TMEM108: variants seen among roughly 807,000 people sequenced by gnomAD.
The protein encoded by TMEM108 is transmembrane protein 108.
A neutral mutation model predicts 35.1 loss-of-function variants in TMEM108; 12 were observed. The ratio of observed to expected loss-of-function variants is 0.34; its 90% CI spans 0.22 to 0.55. TMEM108 has a LOEUF of 0.55. TMEM108 is among the 20% of genes least tolerant of loss of function. The pLI, the probability that TMEM108 is intolerant of heterozygous loss-of-function variation, is 0.89. For missense variants in TMEM108, 680 were observed against 753.3 expected (o/e 0.90, Z 1.14); for synonymous variants, 287 against 308.6 (o/e 0.93, Z 0.73).
At chr3:133,112,109 A>G (rs1944232712) in intron 2 of TMEM108, among the ~76,000 whole-genome samples, 1 of 152,118 alleles carries the variant, frequency 6.6e-6, no homozygotes, top group Non-Finnish European at 1.5e-5. Flanking sequence ...CGGGGGAAAC[A>G]AAAAAGAAAG....
chr3:133,109,861 C>T (rs1944204442), intron 2 of TMEM108, among the ~76,000 whole-genome samples: 1 of 152,132 alleles, frequency 6.6e-6, no homozygotes, highest in African/African-American at 2.4e-5. Context: ...GTGCAGCCTC[C>T]TGCCTAATAA....
intron 2 of TMEM108, among the ~76,000 whole-genome samples, chr3:133,065,284 C>CCACACACA (rs57783382): frequency 6.7e-6 from 1 of 149,854 alleles, no homozygotes; most frequent in Non-Finnish European, 1.5e-5. Context: ...ACATAGGTAG[C>CCACACACA]CACACACACA....
At chr3:133,206,469 A>G (rs571075255) in intron 2 of TMEM108, among the ~76,000 whole-genome samples, 2 of 152,204 alleles carry the variant, frequency 1.3e-5, no homozygotes, top group South Asian at 2.1e-4. Context: ...GTTGGTACCT[A>G]TGGATGGGAT....
chr3:133,352,504 G>T (rs2072034312), intron 3 of TMEM108, among the ~76,000 whole-genome samples: 1 of 152,178 alleles, frequency 6.6e-6, no homozygotes, highest in Non-Finnish European at 1.5e-5. Context: ...CACTTTAGAT[G>T]CCAGTCACAA....
intron 2 of TMEM108, among the ~76,000 whole-genome samples, chr3:133,136,595 G>C (rs927731405): frequency 6.6e-6 from 1 of 152,172 alleles, no homozygotes; most frequent in Non-Finnish European, 1.5e-5. Context: ...CTTCCCACCA[G>C]GGTGTGAAGT....
intron 3 of TMEM108, among the ~76,000 whole-genome samples, chr3:133,244,551 G>A (rs1946358565): frequency 6.6e-6 from 1 of 152,132 alleles, no homozygotes; most frequent in Non-Finnish European, 1.5e-5. Flanking sequence ...TAGTCCCATG[G>A]GCCTCTCTTT....
At chr3:133,227,150 C>T (rs552028062) in intron 2 of TMEM108, among the ~76,000 whole-genome samples, 10 of 150,070 alleles carry the variant, frequency 6.7e-5, no homozygotes, top group Middle Eastern at 3.4e-3. Flanking sequence ...AGAAAATATG[C>T]GCAAGTATTT....
At chr3:133,116,520 A>G (rs1944289659) in intron 2 of TMEM108, among the ~76,000 whole-genome samples, 1 of 152,084 alleles carries the variant, frequency 6.6e-6, no homozygotes, top group Non-Finnish European at 1.5e-5. Context: ...AAAATGGGGG[A>G]GGCATATTAC....
intron 3 of TMEM108, among the ~76,000 whole-genome samples, chr3:133,336,880 G>A (rs2071516900): frequency 1.3e-5 from 2 of 152,078 alleles, no homozygotes; most frequent in African/African-American, 4.8e-5. Flanking sequence ...AGAGCTCTTG[G>A]GCTTAAAGTA....
At chr3:133,120,208 C>T (rs1044199911) in intron 2 of TMEM108, among the ~76,000 whole-genome samples, 1 of 152,142 alleles carries the variant, frequency 6.6e-6, no homozygotes, top group African/African-American at 2.4e-5. Flanking sequence ...TTTGGGTTTT[C>T]GTTTGTCTTT....
intron 3 of TMEM108, among the ~76,000 whole-genome samples, chr3:133,367,409 C>T (rs1399622691): frequency 6.6e-6 from 1 of 152,252 alleles, no homozygotes. Flanking sequence ...CAAGCACGCA[C>T]AGCCTGGAGG....
chr3:133,395,255 A>G (rs2073288781), intron 5 of TMEM108, among the ~76,000 whole-genome samples: 1 of 152,184 alleles, frequency 6.6e-6, no homozygotes, highest in African/African-American at 2.4e-5. Flanking sequence ...GCTCAGCATC[A>G]CTAGTGCTAT....
At chr3:133,174,253 G>A (rs372799680) in intron 2 of TMEM108, among the ~76,000 whole-genome samples, 4 of 152,174 alleles carry the variant, frequency 2.6e-5, no homozygotes, top group African/African-American at 4.8e-5. Context: ...GTCTGGGGAC[G>A]GGGCATTGCC....
chr3:133,113,764 G>A (rs1392204851), intron 2 of TMEM108, among the ~76,000 whole-genome samples: 1 of 152,106 alleles, frequency 6.6e-6, no homozygotes, highest in Admixed American at 6.6e-5. Context: ...CTTGACTGAG[G>A]TGGCAACTGT....
At chr3:133,106,456 A>C (rs1944154498) in intron 2 of TMEM108, among the ~76,000 whole-genome samples, 1 of 152,150 alleles carries the variant, frequency 6.6e-6, no homozygotes, top group Non-Finnish European at 1.5e-5. Flanking sequence ...GAGTGAAGAC[A>C]GTGAGGTGGG....
At chr3:133,140,360 T>C (rs761184619) in intron 2 of TMEM108, among the ~76,000 whole-genome samples, 12 of 152,232 alleles carry the variant, frequency 7.9e-5, no homozygotes, top group Non-Finnish European at 1.2e-4. Flanking sequence ...CCCTAAACCA[T>C]ATTGATTTAA....
chr3:133,353,526 G>C (rs2072069113), intron 3 of TMEM108, among the ~76,000 whole-genome samples: 1 of 152,166 alleles, frequency 6.6e-6, no homozygotes. Context: ...CCCATGACAA[G>C]GACTGCTGTA....
chr3:133,095,520 T>G (rs1944001496), intron 2 of TMEM108, among the ~76,000 whole-genome samples: 1 of 152,090 alleles, frequency 6.6e-6, no homozygotes, highest in Non-Finnish European at 1.5e-5. Context: ...AATGAAATAT[T>G]ATAGTTATAT....
intron 3 of TMEM108, among the ~76,000 whole-genome samples, chr3:133,243,518 T>C (rs1253197360): frequency 1.6e-5 from 2 of 128,510 alleles, no homozygotes; most frequent in South Asian, 2.8e-4. Flanking sequence ...CATGTCTTTT[T>C]TTCTGGGGCG....
Sources: gnomAD v4.1 joint callset for allele counts (sites outside exome capture counted in the v4.1 genomes callset) on GRCh38, gnomAD v4.1.1 for gene constraint, MANE v1.5 for transcripts, NCBI Gene and HGNC (gene_info 2026-07-23, HGNC 2026-07-21) for gene names.